INSR: variants seen among roughly 807,000 people sequenced by gnomAD.
INSR encodes insulin receptor, also known as IR.
Under a neutral mutation model 142.6 loss-of-function variants are expected in INSR, and 67 were observed. The observed-to-expected ratio is 0.47, with a 90% CI of 0.39 to 0.58. The LOEUF is 0.58. INSR is among the 20% of genes least tolerant of loss of function. The pLI is 0.00. For synonymous variants in INSR, 756 were observed against 743.1 expected, an observed-to-expected ratio of 1.02 and a Z score of -0.28; for missense variants, 1,248 against 1,833.2, an observed-to-expected ratio of 0.68 and a Z score of 5.83.
At chr19:7,224,576 T>C (rs1361375889) in intron 2 of INSR, among the ~76,000 whole-genome samples, 1 of 152,056 alleles carries the variant, frequency 6.6e-6, no homozygotes, top group East Asian at 1.9e-4. Context: ...CCAAGCCACA[T>C]CTCGACCAGA....
At chr19:7,276,698 A>G (rs1968071241) in intron 1 of INSR, among the ~76,000 whole-genome samples, 2 of 151,826 alleles carry the variant, frequency 1.3e-5, no homozygotes. Flanking sequence ...ACCCCTCTGC[A>G]CGCCTTAGTT....
In INSR at chr19:7,125,612, C is replaced by T; in HGVS notation, c.3014-85G>A. 1 of 1,562,254 alleles carries T rather than the reference C, an allele frequency of 6.4e-7. No individual in the cohort carries two copies. Among genetic ancestry groups the T allele is most frequent in the South Asian group, 1.1e-5 (1 of 89,432 alleles). The stretch of plus-strand genomic sequence containing the variant: ...TTCCACCCAAGCCCTCACCCAAACC[C>T]CCTCGAAAACACTCATGAAATGAGT... On this transcript the variant is annotated intron_variant, in intron 16 of 21. Coordinates refer to ENST00000302850, the MANE Select transcript of INSR (RefSeq NM_000208.4). This position sits in a 1 kb window ranked among gnomAD's most constrained non-coding sequence, Gnocchi z 4.9.
chr19:7,272,057 C>T (rs1039405904), intron 1 of INSR, among the ~76,000 whole-genome samples: 1 of 152,140 alleles, frequency 6.6e-6, no homozygotes, highest in Non-Finnish European at 1.5e-5. Context: ...GTAATCCCAG[C>T]ACTGCGGGAG....
At position 7,272,473 on chromosome 19, in the gene INSR, C is replaced by T. The variant is rs186622395; in HGVS notation, c.101-4577G>A. Among the ~76,000 whole-genome samples, 1,153 of 152,114 alleles carry T rather than the reference C, an allele frequency of 7.6e-3. 11 individuals carry two copies. The highest frequency in any genetic ancestry group is 0.027 in the African/African-American group (1,112 of 41,500). On this transcript the variant is annotated intron_variant, in intron 1 of 21. Coordinates refer to ENST00000302850, the MANE Select transcript of INSR (RefSeq NM_000208.4). ...TCTCTACTAAAAATACAAAAATTAGCTGGGCGGGGTGGCGCATGCCTGTAA... is the reference window on the plus strand; with the variant it reads ...TCTCTACTAAAAATACAAAAATTAGTTGGGCGGGGTGGCGCATGCCTGTAA...
intron 13 of INSR, among the ~76,000 whole-genome samples, chr19:7,135,457 A>T (rs1465773965): frequency 1.3e-5 from 2 of 149,600 alleles, no homozygotes; most frequent in Non-Finnish European, 3.0e-5. Flanking sequence ...CTGGGATTAT[A>T]GGCGTGTGCC....
chr19:7,257,036 G>A (rs1418039555), intron 2 of INSR, among the ~76,000 whole-genome samples: 9 of 150,462 alleles, frequency 6.0e-5, no homozygotes, highest in Non-Finnish European at 1.2e-4. Context: ...TCCGCCTCCT[G>A]GGTTCAAGCG....
At position 7,192,028 on chromosome 19, in the gene INSR, GAGAA is replaced by G. The variant is rs939625704; in HGVS notation, c.653-7395_653-7392del. On this transcript the variant is annotated intron_variant, in intron 2 of 21. Transcript: ENST00000302850. This position sits in a 1 kb window ranked among gnomAD's most constrained non-coding sequence, Gnocchi z 4.2. ...GAAAGAAAGAAGAGGGAGAAAGAAA[GAGAA>G]AGAAAGAGGCAGGAAGGGAGGGAGA... 4.8e-5 allele frequency among the ~76,000 whole-genome samples: 7 copies of G among 145,244 alleles called. No individual in the cohort carries two copies. The highest frequency in any genetic ancestry group is 1.8e-4 in the African/African-American group (7 of 39,070).
chr19:7,214,253 G>A (rs940563441), intron 2 of INSR, among the ~76,000 whole-genome samples: 3 of 152,078 alleles, frequency 2.0e-5, no homozygotes, highest in South Asian at 2.1e-4. Flanking sequence ...CCTGGGGCTC[G>A]GAACTTGTTT....
chr19:7,243,583 C>G (rs1439947136), intron 2 of INSR, among the ~76,000 whole-genome samples: 1 of 151,966 alleles, frequency 6.6e-6, no homozygotes, highest in African/African-American at 2.4e-5. Flanking sequence ...TTGCTTCCCC[C>G]CAAAAGTTAT....
At chr19:7,218,324 T>C (rs1975499783) in intron 2 of INSR, among the ~76,000 whole-genome samples, 1 of 151,930 alleles carries the variant, frequency 6.6e-6, no homozygotes, top group Non-Finnish European at 1.5e-5. Flanking sequence ...CAGCTCCAAA[T>C]GTCCTCAGTA....
At chr19:7,242,488 C>A (rs1976383644) in intron 2 of INSR, among the ~76,000 whole-genome samples, 1 of 147,248 alleles carries the variant, frequency 6.8e-6, no homozygotes, top group Admixed American at 6.6e-5. Context: ...GTATTCCCAG[C>A]ATTTGAAAGG....
At chr19:7,278,876 C>T (rs1179588360) in intron 1 of INSR, among the ~76,000 whole-genome samples, 2 of 152,018 alleles carry the variant, frequency 1.3e-5, no homozygotes, top group Non-Finnish European at 2.9e-5. Context: ...TGCCTGTAAT[C>T]GCAGCACTTT....
Position 7,122,826 on chromosome 19 carries a change from C to T in INSR, c.3369+53G>A. 9.9e-6 allele frequency: 16 copies of T among 1,612,628 alleles called. No individual in the cohort carries two copies. In the South Asian group the frequency reaches 1.6e-4, roughly 17 times the overall value. On this transcript the variant is annotated intron_variant, in intron 18 of 21. Coordinates refer to ENST00000302850, the MANE Select transcript of INSR (RefSeq NM_000208.4). ...TCAGCAGCACTGGGATCCGAGGAGG[C>T]CAGGAGCGGGTGCTCCACCGAGTAC...
chr19:7,188,565 C>T (rs974838721), intron 2 of INSR, among the ~76,000 whole-genome samples: 12 of 123,404 alleles, frequency 9.7e-5, no homozygotes, highest in African/African-American at 3.6e-4. Context: ...AAAAAAAAAA[C>T]AAGAATATTA....
Position 7,242,165 on chromosome 19 carries a change from AAG to A in INSR, c.652+25178_652+25179del, listed in dbSNP as rs1555685675. Among the ~76,000 whole-genome samples, 42 of 148,052 alleles carry A rather than the reference AAG, an allele frequency of 2.8e-4. No individual in the cohort carries two copies. In the East Asian group the frequency reaches 5.7e-3, roughly 20 times the overall value. ...GAGACTCTTGTCTCAAAAAAAAAAA[AAG>A]AAGAAGGAGGAGGAGAAGGAGAAGG... On this transcript the variant is annotated intron_variant, in intron 2 of 21. Coordinates refer to ENST00000302850, the MANE Select transcript of INSR (RefSeq NM_000208.4).
At chr19:7,292,831 A>T (rs1171405264) in intron 1 of INSR, among the ~76,000 whole-genome samples, 2 of 151,254 alleles carry the variant, frequency 1.3e-5, no homozygotes, top group Non-Finnish European at 3.0e-5. Context: ...CCATGGGGTC[A>T]GGGGGAACGA....
chr19:7,191,889 G>GA (rs1568475723), intron 2 of INSR, among the ~76,000 whole-genome samples: 2 of 67,646 alleles, frequency 3.0e-5, no homozygotes, highest in South Asian at 9.7e-4. Flanking sequence ...GAAGGAGGAA[G>GA]GGAGAGAGAG....
At chr19:7,286,234 C>T (rs574654132) in intron 1 of INSR, among the ~76,000 whole-genome samples, 59 of 152,150 alleles carry the variant, frequency 3.9e-4, no homozygotes, top group East Asian at 1.4e-3. Context: ...CCACCTGCTT[C>T]GGCCTCCCAA....
intron 2 of INSR, among the ~76,000 whole-genome samples, chr19:7,245,185 C>G (rs1459993253): frequency 6.6e-6 from 1 of 152,018 alleles, no homozygotes. Flanking sequence ...ATCCACCTGC[C>G]TCGGCCTCCC....
Sources: gnomAD v4.1 joint callset for allele counts (sites outside exome capture counted in the v4.1 genomes callset) on GRCh38, gnomAD v4.1.1 for gene constraint, Gnocchi (gnomAD v3.1) non-coding constraint, MANE v1.5 for transcripts, NCBI Gene and HGNC (gene_info 2026-07-23, HGNC 2026-07-21) for gene names.